The following PTPRM variants were observed in gnomAD, a reference collection of about 807,000 sequenced individuals.
PTPRM encodes the protein receptor-type tyrosine-protein phosphatase mu.
A neutral mutation model predicts 186.7 loss-of-function variants in PTPRM; 47 were observed. The observed-to-expected ratio is 0.25, with a 90% CI of 0.20 to 0.32. The LOEUF (loss-of-function observed/expected upper bound fraction) is 0.32, where lower values mean the gene tolerates loss of function less well. Among genes scored for constraint, PTPRM ranks in the 10% least tolerant of loss-of-function variants. The probability of loss-of-function intolerance (pLI) is 1.00; values close to 1 mark genes in which losing one functional copy is unlikely to be tolerated. For missense variants in PTPRM, 1,494 were observed against 1,865.0 expected, an observed-to-expected ratio of 0.80 and a Z score of 3.66; for synonymous variants, 668 against 674.9, an observed-to-expected ratio of 0.99 and a Z score of 0.16.
At chr18:8,108,314 C>A (rs754872269) in intron 11 of PTPRM, among the ~76,000 whole-genome samples, 10 of 151,950 alleles carry the variant, frequency 6.6e-5, no homozygotes, top group Non-Finnish European at 5.9e-5. Flanking sequence ...ATCAGAAGTG[C>A]CTGTTTTAGA....
intron 9 of PTPRM, among the ~76,000 whole-genome samples, chr18:8,084,181 G>A (rs2090307598): frequency 6.6e-6 from 1 of 152,120 alleles, no homozygotes; most frequent in East Asian, 1.9e-4. Context: ...ACAGTGCTTG[G>A]CACATGAGAG....
At chr18:8,374,046 A>G (rs2095680509) in intron 24 of PTPRM, among the ~76,000 whole-genome samples, 1 of 152,214 alleles carries the variant, frequency 6.6e-6, no homozygotes. Context: ...ATTACATTCC[A>G]AAACAGAAAA....
rs370746043 is a variant in PTPRM, at chr18:7,842,947, T to TATATATATATATAG, written c.197-45158_197-45157insTATATATATATAGA. Among the ~76,000 whole-genome samples the TATATATATATATAG allele has an allele frequency of 1.1e-3, 121 of 112,098 alleles. 1 individual carries two copies. Among genetic ancestry groups the TATATATATATATAG allele is most frequent in the African/African-American group, 2.8e-3 (67 of 23,778 alleles). 73.5% of individuals were successfully genotyped at this position (112,098 alleles called of 152,430 possible). A position where few individuals can be genotyped will look rare whatever the true frequency, so the allele number is the denominator to read the frequency against. The stretch of plus-strand genomic sequence containing the variant: ...GTGTGTGTGTATATATATATATATA[T>TATATATATATATAG]AGAGAGAGAGAGAGAGAGAGAGAGA... On this transcript the variant is annotated intron_variant, in intron 2 of 32. Coordinates refer to ENST00000580170, the MANE Select transcript of PTPRM (RefSeq NM_001105244.2).
intron 7 of PTPRM, among the ~76,000 whole-genome samples, chr18:8,029,464 T>A (rs949599853): frequency 6.6e-6 from 1 of 152,034 alleles, no homozygotes; most frequent in East Asian, 1.9e-4. Flanking sequence ...GAGTGCCCTC[T>A]CCTCATGCTT....
chr18:8,375,510 G>A (rs1445248355), intron 24 of PTPRM, among the ~76,000 whole-genome samples: 1 of 152,206 alleles, frequency 6.6e-6, no homozygotes, highest in Non-Finnish European at 1.5e-5. Flanking sequence ...AGTTGGAAAG[G>A]TGTCCTCATT....
intron 2 of PTPRM, among the ~76,000 whole-genome samples, chr18:7,877,217 T>A (rs930565197): frequency 1.7e-4 from 26 of 152,208 alleles, no homozygotes; most frequent in African/African-American, 6.3e-4. Flanking sequence ...TTAACAGACT[T>A]GGTAGCATCT....
intron 14 of PTPRM, among the ~76,000 whole-genome samples, chr18:8,170,825 A>G (rs1425026398): frequency 6.6e-6 from 1 of 152,194 alleles, no homozygotes; most frequent in Admixed American, 6.5e-5. Flanking sequence ...ACTGGCTTCT[A>G]TTACTTTTGA....
chr18:7,648,928 T>C (rs867908274), intron 1 of PTPRM, among the ~76,000 whole-genome samples: 7 of 152,314 alleles, frequency 4.6e-5, no homozygotes, highest in Middle Eastern at 3.4e-3. Context: ...TAGCCTTCTA[T>C]TGGAAGAAGA....
chr18:7,994,822 C>T (rs2147681607), intron 7 of PTPRM, among the ~76,000 whole-genome samples: 1 of 152,116 alleles, frequency 6.6e-6, no homozygotes, highest in South Asian at 2.1e-4. Flanking sequence ...TTCACAAAAG[C>T]AGTTCTAAGA....
At chr18:7,732,165 C>T (rs1226254658) in intron 1 of PTPRM, among the ~76,000 whole-genome samples, 1 of 152,048 alleles carries the variant, frequency 6.6e-6, no homozygotes, top group Non-Finnish European at 1.5e-5. Context: ...CCTTCTTTGC[C>T]TTCTCTGTCT....
chr18:7,766,269 A>G (rs1367763287), intron 1 of PTPRM, among the ~76,000 whole-genome samples: 1 of 152,234 alleles, frequency 6.6e-6, no homozygotes, highest in Non-Finnish European at 1.5e-5. Context: ...TCCAATCAGG[A>G]GAGAGAAGCA....
Position 7,804,251 on chromosome 18 carries a change from G to C in PTPRM, c.196+29980G>C, listed in dbSNP as rs78898835. Among the ~76,000 whole-genome samples, 954 of 152,200 alleles carry C rather than the reference G, an allele frequency of 6.3e-3. 1 individual carries two copies. The highest frequency in any genetic ancestry group is 0.021 in the African/African-American group (889 of 41,526). On this transcript the variant is annotated intron_variant, in intron 2 of 32. Coordinates refer to ENST00000580170, the MANE Select transcript of PTPRM (RefSeq NM_001105244.2). ...CTGGATCACACACCCCAACACTGAG[G>C]GGGGTGGGCTGGCAGTAGTTCAAGT...
At chr18:8,325,414 T>C (rs1156656928) in intron 22 of PTPRM, among the ~76,000 whole-genome samples, 1 of 152,124 alleles carries the variant, frequency 6.6e-6, no homozygotes, top group African/African-American at 2.4e-5. Context: ...GAACATACAG[T>C]GTTTGATTTT....
intron 1 of PTPRM, among the ~76,000 whole-genome samples, chr18:7,708,606 T>C (rs2040146723): frequency 6.6e-6 from 1 of 152,134 alleles, no homozygotes; most frequent in South Asian, 2.1e-4. Flanking sequence ...TTAGATTAGC[T>C]CTCTATTGCT....
intron 7 of PTPRM, among the ~76,000 whole-genome samples, chr18:7,985,710 G>A (rs951612851): frequency 2.6e-5 from 4 of 151,412 alleles, no homozygotes; most frequent in African/African-American, 9.7e-5. Flanking sequence ...ATACAGGCAT[G>A]CAATGCAGAA....
At chr18:7,739,522 A>G (rs2040844725) in intron 1 of PTPRM, among the ~76,000 whole-genome samples, 1 of 152,256 alleles carries the variant, frequency 6.6e-6, no homozygotes, top group South Asian at 2.1e-4. Flanking sequence ...AGAAAATTTC[A>G]GCAATGCAAA....
At chr18:7,748,085 A>G (rs2041039382) in intron 1 of PTPRM, among the ~76,000 whole-genome samples, 1 of 152,122 alleles carries the variant, frequency 6.6e-6, no homozygotes, top group Non-Finnish European at 1.5e-5. Context: ...CACCACAAGG[A>G]CTATATTTCC....
chr18:8,066,546 A>G (rs915676570), intron 7 of PTPRM, among the ~76,000 whole-genome samples: 10 of 152,092 alleles, frequency 6.6e-5, no homozygotes, highest in Admixed American at 1.3e-4. Flanking sequence ...TCCTACCCCC[A>G]TTGATATTGA....
chr18:8,329,440 A>C (rs1239504919), intron 22 of PTPRM, among the ~76,000 whole-genome samples: 3 of 152,228 alleles, frequency 2.0e-5, no homozygotes, highest in Non-Finnish European at 4.4e-5. Flanking sequence ...CTGTTCCCCC[A>C]TAGGGCCTTT....
Sources: allele counts gnomAD v4.1 joint callset (sites outside exome capture counted in the v4.1 genomes callset), GRCh38; gene constraint gnomAD v4.1.1; transcripts MANE v1.5; gene names NCBI Gene and HGNC (gene_info 2026-07-23, HGNC 2026-07-21).